IL1RAPL1: variants seen among roughly 807,000 people sequenced by gnomAD.
IL1RAPL1 encodes interleukin 1 receptor accessory protein like 1.
Under a neutral mutation model 48.4 loss-of-function variants are expected in IL1RAPL1, and 3 were observed. The observed-to-expected ratio is 0.06, with a 90% CI of 0.03 to 0.16. The LOEUF (loss-of-function observed/expected upper bound fraction) is 0.16. Among genes scored for constraint, IL1RAPL1 ranks in the 10% least tolerant of loss-of-function variants. The probability of loss-of-function intolerance (pLI) is 1.00; values close to 1 mark genes in which losing one functional copy is unlikely to be tolerated. For synonymous variants in IL1RAPL1, 185 were observed against 187.7 expected (o/e 0.99, Z 0.12); for missense variants, 349 against 530.6 (o/e 0.66, Z 3.36).
At chrX:29,543,150 A>G (rs867189082) in intron 5 of IL1RAPL1, among the ~76,000 whole-genome samples, 1 of 66,859 alleles carries the variant, frequency 1.5e-5, no homozygotes, top group Admixed American at 1.5e-4. Flanking sequence ...TCTCTCTCTC[A>G]GCATTTACTG....
intron 2 of IL1RAPL1, among the ~76,000 whole-genome samples, chrX:28,941,704 T>C (rs1017382032): frequency 5.4e-5 from 6 of 111,190 alleles, no homozygotes; most frequent in African/African-American, 1.9e-4. Context: ...TTTAGACATA[T>C]GTCACACACT....
At chrX:29,694,888 C>T (rs1370298898) in intron 6 of IL1RAPL1, among the ~76,000 whole-genome samples, 1 of 110,939 alleles carries the variant, frequency 9.0e-6, no homozygotes, top group Non-Finnish European at 1.9e-5. Flanking sequence ...TTAGGGACAC[C>T]GTAGTTGGGA....
chrX:29,185,420 C>T (rs780056326), intron 2 of IL1RAPL1, among the ~76,000 whole-genome samples: 45 of 111,910 alleles, frequency 4.0e-4, no homozygotes, highest in African/African-American at 1.5e-3. Flanking sequence ...CTCTGCTTCT[C>T]TAACTCTAAA....
At chrX:29,337,006 G>A (rs747753669) in intron 3 of IL1RAPL1, among the ~76,000 whole-genome samples, 14 of 111,010 alleles carry the variant, frequency 1.3e-4, no homozygotes, top group African/African-American at 4.3e-4. Flanking sequence ...CCGGAGACTG[G>A]AGGGTGGGAG....
At chrX:29,623,090 G>A (rs185590094) in intron 5 of IL1RAPL1, among the ~76,000 whole-genome samples, 1,477 of 102,620 alleles carry the variant, frequency 0.014, 40 homozygotes, top group African/African-American at 0.051. Context: ...CTAACATGGC[G>A]AAACCCTGTC....
At chrX:29,932,008 C>T (rs1026047783) in intron 8 of IL1RAPL1, among the ~76,000 whole-genome samples, 3 of 112,312 alleles carry the variant, frequency 2.7e-5, no homozygotes, top group Admixed American at 9.4e-5. Context: ...AAGTTTGACA[C>T]CTTGATATAC....
At chrX:28,804,314 A>T (rs909826119) in intron 2 of IL1RAPL1, among the ~76,000 whole-genome samples, 1 of 111,910 alleles carries the variant, frequency 8.9e-6, no homozygotes, top group African/African-American at 3.2e-5. Flanking sequence ...GCTATTAAAT[A>T]CCTTGCAAAA....
chrX:29,668,044 T>C (rs1926046500), intron 5 of IL1RAPL1, among the ~76,000 whole-genome samples: 1 of 112,224 alleles, frequency 8.9e-6, no homozygotes, highest in Admixed American at 9.5e-5. Flanking sequence ...AAAATCATTG[T>C]AATACATGCC....
intron 2 of IL1RAPL1, among the ~76,000 whole-genome samples, chrX:29,230,518 A>AAAAAAAAAAAAC (rs1931176523): frequency 1.3e-5 from 1 of 78,990 alleles, no homozygotes; most frequent in African/African-American, 5.4e-5. Flanking sequence ...AAAAAAAAAA[A>AAAAAAAAAAAAC]AAAAAAAAAA....
rs1016386207 is a variant in IL1RAPL1 at position 29,097,041 on chromosome X, A to T, written c.83-185897A>T. 3.9e-4 allele frequency among the ~76,000 whole-genome samples: 44 copies of T among 112,091 alleles called. 1 individual carries two copies. The highest frequency in any genetic ancestry group is 1.4e-3 in the African/African-American group (44 of 30,992). ...GGTCTCAGTGGAGCATACATCTGAAACAAATCATTTAAGCTATAAATTTAG... is the reference window on the plus strand; with the variant it reads ...GGTCTCAGTGGAGCATACATCTGAATCAAATCATTTAAGCTATAAATTTAG... On this transcript the variant is annotated intron_variant, in intron 2 of 10. Coordinates refer to ENST00000378993, the MANE Select transcript of IL1RAPL1 (RefSeq NM_014271.4).
intron 2 of IL1RAPL1, among the ~76,000 whole-genome samples, chrX:28,881,028 T>C (rs1426500920): frequency 1.8e-5 from 2 of 111,715 alleles, no homozygotes; most frequent in Non-Finnish European, 3.8e-5. Flanking sequence ...TTCTGAAAAT[T>C]ATCTTTTAAT....
At chrX:29,755,927 A>G (rs750007737) in intron 6 of IL1RAPL1, among the ~76,000 whole-genome samples, 9 of 112,219 alleles carry the variant, frequency 8.0e-5, no homozygotes, top group Non-Finnish European at 1.3e-4. Context: ...TGGCTTTAGC[A>G]TCAGTCAATG....
intron 6 of IL1RAPL1, among the ~76,000 whole-genome samples, chrX:29,802,289 T>C: frequency 1.8e-5 from 2 of 112,387 alleles, no homozygotes; most frequent in Middle Eastern, 9.1e-3. Flanking sequence ...GCTTGATTTT[T>C]AGATGAGAAA....
intron 6 of IL1RAPL1, among the ~76,000 whole-genome samples, chrX:29,799,121 A>G (rs1345383844): frequency 8.9e-6 from 1 of 112,376 alleles, no homozygotes; most frequent in Non-Finnish European, 1.9e-5. Flanking sequence ...ATATAAGATA[A>G]TGTTTTATTT....
intron 6 of IL1RAPL1, among the ~76,000 whole-genome samples, chrX:29,865,799 G>A (rs1931681963): frequency 1.0e-5 from 1 of 98,445 alleles, no homozygotes. Flanking sequence ...ACCACGCCTG[G>A]CTAATTTTTT....
At chrX:29,106,907 C>G (rs1226743892) in intron 2 of IL1RAPL1, among the ~76,000 whole-genome samples, 2 of 111,516 alleles carry the variant, frequency 1.8e-5, no homozygotes, top group Non-Finnish European at 3.8e-5. Context: ...CTGTTCAACT[C>G]TTACACCTAC....
At chrX:28,715,612 C>T (rs756488002) in intron 1 of IL1RAPL1, among the ~76,000 whole-genome samples, 34 of 110,948 alleles carry the variant, frequency 3.1e-4, no homozygotes, top group Non-Finnish European at 6.0e-4. Flanking sequence ...ACATAGACAC[C>T]CTCCCAAGAC....
intron 1 of IL1RAPL1, among the ~76,000 whole-genome samples, chrX:28,747,025 A>G (rs1001615656): frequency 8.7e-4 from 96 of 110,957 alleles, no homozygotes; most frequent in African/African-American, 3.0e-3. Flanking sequence ...TATTCTATAT[A>G]CATTTTCTGA....
At chrX:28,827,977 T>C (rs1461082418) in intron 2 of IL1RAPL1, among the ~76,000 whole-genome samples, 1 of 111,956 alleles carries the variant, frequency 8.9e-6, no homozygotes, top group Non-Finnish European at 1.9e-5. Context: ...GTTTCTGATT[T>C]GTATGTGTCT....
Sources: gnomAD v4.1 joint callset for allele counts (sites outside exome capture counted in the v4.1 genomes callset) on GRCh38, gnomAD v4.1.1 for gene constraint, MANE v1.5 for transcripts, NCBI Gene and HGNC (gene_info 2026-07-23, HGNC 2026-07-21) for gene names.